MKKS: variants seen among roughly 807,000 people sequenced by gnomAD.
MKKS encodes the protein MKKS centrosomal shuttling protein.
MKKS carries 29 observed loss-of-function variants against 33.2 expected under a neutral mutation model. The ratio of observed to expected loss-of-function variants is 0.87; its 90% CI spans 0.65 to 1.19. MKKS has a LOEUF of 1.19. Among genes scored for constraint, MKKS ranks in the 50% most tolerant of loss-of-function variants. The probability of loss-of-function intolerance (pLI) is 0.00; values close to 1 mark genes in which losing one functional copy is unlikely to be tolerated. For synonymous variants in MKKS, 260 were observed against 244.0 expected, an observed-to-expected ratio of 1.07 and a Z score of -0.61; for missense variants, 661 against 662.3, an observed-to-expected ratio of 1.00 and a Z score of 0.02.
rs113969451 is a variant in MKKS, at chr20:10,401,474, C to T, written c.*3773G>A. On this transcript the variant is annotated 3_prime_UTR_variant, in exon 6 of 6. Coordinates refer to ENST00000347364, the MANE Select transcript of MKKS (RefSeq NM_170784.3). ...CTTTATTTAGACAGCTGAAACAGGG[C>T]CTTGTAGGAGATGTTTAGTCTCTTT... is the stretch of plus-strand genomic sequence containing the variant. 34 of 152,208 alleles carry T rather than the reference C, an allele frequency of 2.2e-4. No homozygotes were observed. The highest frequency in any genetic ancestry group is 7.5e-4 in the African/African-American group (31 of 41,538). 9.4% of individuals were successfully genotyped at this position (152,208 alleles called of 1,614,324 possible). A position where few individuals can be genotyped will look rare whatever the true frequency, so the allele number is the denominator to read the frequency against.
chr20:10,405,624 T>G lies in MKKS; in HGVS notation c.1336A>C (p.Ile446Leu). The G allele has an allele frequency of 6.2e-7, 1 of 1,614,188 alleles. No individual in the cohort carries two copies. Among genetic ancestry groups the G allele is most frequent in the African/African-American group, 1.3e-5 (1 of 75,046 alleles). The change falls in exon 6 of 6, where the codon ATT becomes CTT. Residue 446 changes from isoleucine (I) to leucine (L), a missense_variant. Transcript: ENST00000347364. Reference protein sequence around the residue: ...DECTQTELQLIAEAFCSALES... With the variant: ...DECTQTELQLLAEAFCSALES... ...AGGGCACTGCAAAATGCTTCAGCAATTAATTGAAGTTCTGTTTGAGTACAT... is the reference window on the plus strand; with the variant it reads ...AGGGCACTGCAAAATGCTTCAGCAAGTAATTGAAGTTCTGTTTGAGTACAT...
intron 2 of MKKS, among the ~76,000 whole-genome samples, chr20:10,415,726 A>G (rs1600851347): frequency 6.6e-6 from 1 of 152,230 alleles, no homozygotes; most frequent in East Asian, 1.9e-4. Context: ...TGATTAAGAA[A>G]ATCGTTTTTC....
intron 5 of MKKS, among the ~76,000 whole-genome samples, chr20:10,406,007 T>C (rs1240328363): frequency 6.6e-6 from 1 of 152,154 alleles, no homozygotes; most frequent in East Asian, 1.9e-4. Context: ...CATGAAGGAC[T>C]AGGCATAATA....
Position 10,405,113 on chromosome 20 carries a change from T to C in MKKS, c.*134A>G. The C allele has an allele frequency of 1.5e-6, 1 of 649,810 alleles. No homozygotes were observed. Among genetic ancestry groups the C allele is most frequent in the Non-Finnish European group, 2.6e-6 (1 of 391,984 alleles). 40.3% of individuals were successfully genotyped at this position (649,810 alleles called of 1,614,324 possible). A position where few individuals can be genotyped will look rare whatever the true frequency, so the allele number is the denominator to read the frequency against. ...TCACCTTTTTTCCTAAATAAGTGTA[T>C]CTATAATTTTATGAGTCATTTGTCC... is the stretch of plus-strand genomic sequence containing the variant. On this transcript the variant is annotated 3_prime_UTR_variant, in exon 6 of 6. Coordinates refer to ENST00000347364, the MANE Select transcript of MKKS (RefSeq NM_170784.3).
At chr20:10,415,325 A>G (rs1369462853) in intron 2 of MKKS, among the ~76,000 whole-genome samples, 1 of 152,244 alleles carries the variant, frequency 6.6e-6, no homozygotes, top group Non-Finnish European at 1.5e-5. Context: ...AAAGTAGGCT[A>G]CAGCATAGTA....
At chr20:10,408,253 T>C (rs2064856885) in intron 4 of MKKS, among the ~76,000 whole-genome samples, 2 of 152,200 alleles carry the variant, frequency 1.3e-5, no homozygotes, top group Admixed American at 1.3e-4. Context: ...CATGTATTAT[T>C]GCTGGCAGAG....
intron 3 of MKKS, among the ~76,000 whole-genome samples, chr20:10,411,288 CTGTTT>C (rs541648504): frequency 1.3e-5 from 2 of 152,036 alleles, no homozygotes; most frequent in Non-Finnish European, 1.5e-5. Flanking sequence ...CCAGCCCTTT[CTGTTT>C]TTTTAGATGT....
chr20:10,408,682 T>C lies in MKKS; in HGVS notation c.1107A>G (p.Thr369=). The C allele has an allele frequency of 4.3e-6, 7 of 1,614,126 alleles. No homozygotes were observed. The highest frequency in any genetic ancestry group is 5.9e-6 in the Non-Finnish European group (7 of 1,180,006). The change falls in exon 4 of 6, where the codon ACA becomes ACG. Residue 369 remains threonine, a synonymous_variant. Coordinates refer to ENST00000347364, the MANE Select transcript of MKKS (RefSeq NM_170784.3). ...HFFHLIPNEA[T]ICSLLLCNRN... ...TGTTGCAGAGAAGCAAGCTGCAGAT[T>C]GTTGCTTCATTAGGAATAAGATGAA...
At chr20:10,429,353 T>C (rs969488661) in intron 1 of MKKS, among the ~76,000 whole-genome samples, 1 of 152,312 alleles carries the variant, frequency 6.6e-6, no homozygotes, top group Admixed American at 6.5e-5. Flanking sequence ...TTCATCCTTA[T>C]CAAAGATCTG....
chr20:10,411,295 T>C (rs560057202), intron 3 of MKKS, among the ~76,000 whole-genome samples: 1 of 152,172 alleles, frequency 6.6e-6, no homozygotes, highest in Admixed American at 6.5e-5. Context: ...TTTCTGTTTT[T>C]TTAGATGTAG....
At chr20:10,427,045 C>CACACAG (rs2065020167) in intron 1 of MKKS, among the ~76,000 whole-genome samples, 1 of 126,962 alleles carries the variant, frequency 7.9e-6, no homozygotes, top group African/African-American at 2.7e-5. Flanking sequence ...CACACACACA[C>CACACAG]ACACACACAC....
At chr20:10,409,434 G>C (rs1013191848) in intron 3 of MKKS, among the ~76,000 whole-genome samples, 54 of 152,226 alleles carry the variant, frequency 3.5e-4, no homozygotes, top group African/African-American at 1.3e-3. Flanking sequence ...ATGTAAAATA[G>C]TGAAGTTTTA....
At position 10,402,558 on chromosome 20, in the gene MKKS, T is replaced by C. The variant is rs758539065; in HGVS notation, c.*2689A>G. On this transcript the variant is annotated 3_prime_UTR_variant, in exon 6 of 6. Coordinates refer to ENST00000347364, the MANE Select transcript of MKKS (RefSeq NM_170784.3). ...CACTAAGGAATGTAATCAAATTGTA[T>C]GGCAAAGCTAAAAATGATAGAATTT... 7 of 152,204 alleles carry C rather than the reference T, an allele frequency of 4.6e-5. No homozygotes were observed. The highest frequency in any genetic ancestry group is 7.3e-5 in the Non-Finnish European group (5 of 68,044). The allele number at this position is 152,204 out of a possible 1,614,324, so 9.4% of individuals were successfully genotyped here. A position where few individuals can be genotyped will look rare whatever the true frequency, so the allele number is the denominator to read the frequency against.
intron 1 of MKKS, among the ~76,000 whole-genome samples, chr20:10,430,191 G>C (rs1474011680): frequency 6.6e-6 from 1 of 152,176 alleles, no homozygotes; most frequent in Non-Finnish European, 1.5e-5. Flanking sequence ...TTTTCAGAAA[G>C]TCAAGCACTT....
intron 1 of MKKS, among the ~76,000 whole-genome samples, chr20:10,433,596 T>C (rs1452023311): frequency 6.6e-6 from 1 of 152,078 alleles, no homozygotes; most frequent in Non-Finnish European, 1.5e-5. Context: ...CCTTAGAGGG[T>C]CATCCCTACA....
chr20:10,432,288 T>G (rs1001950883), intron 1 of MKKS, among the ~76,000 whole-genome samples: 7 of 152,244 alleles, frequency 4.6e-5, no homozygotes, highest in African/African-American at 1.7e-4. Flanking sequence ...TCCTGCTTCC[T>G]TTCTTCCTTG....
intron 1 of MKKS, among the ~76,000 whole-genome samples, chr20:10,432,635 A>G (rs2065061404): frequency 6.6e-6 from 1 of 152,098 alleles, no homozygotes; most frequent in African/African-American, 2.4e-5. Flanking sequence ...TCTACTAAAA[A>G]ATACAAAAAT....
At chr20:10,418,789 A>G (rs1224261095) in intron 2 of MKKS, among the ~76,000 whole-genome samples, 1 of 152,132 alleles carries the variant, frequency 6.6e-6, no homozygotes, top group Non-Finnish European at 1.5e-5. Flanking sequence ...ACTTCTTGTC[A>G]TAAGTACAAT....
At chr20:10,432,219 G>A (rs886999394) in intron 1 of MKKS, among the ~76,000 whole-genome samples, 1 of 152,216 alleles carries the variant, frequency 6.6e-6, no homozygotes, top group East Asian at 1.9e-4. Context: ...GAGTTCCTGT[G>A]GGACTGGTGG....
Sources: allele counts gnomAD v4.1 joint callset (sites outside exome capture counted in the v4.1 genomes callset), GRCh38; gene constraint gnomAD v4.1.1; transcripts MANE v1.5; gene names NCBI Gene and HGNC (gene_info 2026-07-23, HGNC 2026-07-21).